Variants in PDZK1 observed in about 807,000 individuals in gnomAD.
PDZK1 encodes PDZ domain containing 1.
PDZK1 carries 23 observed loss-of-function variants against 38.1 expected under a neutral mutation model. That is an observed-to-expected ratio of 0.60 (90% confidence interval 0.43 to 0.85). The LOEUF (loss-of-function observed/expected upper bound fraction) is 0.85. Among genes scored for constraint, PDZK1 ranks in the 40% least tolerant of loss-of-function variants. PDZK1 has a pLI of 0.00. For synonymous variants in PDZK1, 98 were observed against 186.2 expected (o/e 0.53, Z 3.86); for missense variants, 297 against 504.3 (o/e 0.59, Z 3.94).
At chr1:145,686,752 C>G (rs782811204) in intron 2 of PDZK1, 26 bp from the exon 3 acceptor site, 2 of 1,264,616 alleles carry the variant, frequency 1.6e-6, no homozygotes, top group African/African-American at 3.0e-5. Flanking sequence ...AAAAAGGTAA[C>G]TTTAATAACC....
chr1:145,705,781 C>T (rs1553705637), intron 1 of PDZK1, among the ~76,000 whole-genome samples: 1 of 152,106 alleles, frequency 6.6e-6, no homozygotes, highest in African/African-American at 2.4e-5. Context: ...GACAGGATCT[C>T]AGTCTGTCAC....
chr1:145,682,766 C>A, intron 3 of PDZK1, 130 bp from the exon 4 acceptor site: 7 of 1,229,568 alleles, frequency 5.7e-6, no homozygotes, highest in Middle Eastern at 2.8e-4. Flanking sequence ...CATTTACTGT[C>A]CCTAGTCTAA....
At chr1:145,676,160 T>C (rs1281394857) in intron 6 of PDZK1, 2 of 984,778 alleles carry the variant, frequency 2.0e-6, no homozygotes, top group Admixed American at 6.1e-5. Context: ...GGGCTTACTT[T>C]GGAGAGCGGG....
intron 1 of PDZK1, among the ~76,000 whole-genome samples, chr1:145,696,051 C>T (rs587711745): frequency 6.6e-6 from 1 of 152,326 alleles, no homozygotes; most frequent in African/African-American, 2.4e-5. Flanking sequence ...TGATGGCTTA[C>T]TCCCCTGGCA....
intron 6 of PDZK1, chr1:145,674,241 A>G: frequency 1.0e-6 from 1 of 985,326 alleles, no homozygotes; most frequent in Non-Finnish European, 1.2e-6. Flanking sequence ...CCTGTTGGGA[A>G]ATGACATATC....
At chr1:145,672,150 CAAA>C (rs1473774538) in intron 8 of PDZK1, among the ~76,000 whole-genome samples, 2 of 151,996 alleles carry the variant, frequency 1.3e-5, no homozygotes, top group African/African-American at 4.8e-5. Context: ...AAATTTAATC[CAAA>C]TATATAGAGA....
At chr1:145,694,132 A>T (rs1655475780) in intron 1 of PDZK1, among the ~76,000 whole-genome samples, 1 of 151,932 alleles carries the variant, frequency 6.6e-6, no homozygotes. Context: ...GTTCTCATGG[A>T]CTCTTTATGC....
chr1:145,686,926 A>G (rs1420954790), intron 2 of PDZK1, among the ~76,000 whole-genome samples, 200 bp from the exon 3 acceptor site: 1 of 151,984 alleles, frequency 6.6e-6, no homozygotes, highest in Non-Finnish European at 1.5e-5. Context: ...AGCTTCTGGC[A>G]CTGCTGGAAT....
chr1:145,694,859 T>C (rs1193268764), intron 1 of PDZK1, among the ~76,000 whole-genome samples: 3 of 116,888 alleles, frequency 2.6e-5, no homozygotes, highest in Non-Finnish European at 4.8e-5. Flanking sequence ...ATCGCGCCAG[T>C]ACACTCCAGC....
chr1:145,688,002 G>A lies in PDZK1; in HGVS notation c.20C>T (p.Pro7Leu), dbSNP rs1553702318. The A allele has an allele frequency of 2.5e-6, 4 of 1,612,388 alleles. No individual in the cohort carries two copies. The highest frequency in any genetic ancestry group is 1.3e-5 in the African/African-American group (1 of 74,476). MTSTFNPRECKLSKQEG... is the reference protein window; with the variant it reads MTSTFNLRECKLSKQEG... ...TTGCTTGGACAGTTTACATTCTCGG[G>A]GGTTGAAGGTGGAGGTCATTTCTGT... Residue 7 changes from proline to leucine, a missense_variant, in exon 2 of 9, where the codon CCC (proline) becomes CTC (leucine). Pro to Leu is a moderately conservative substitution (Grantham distance 98). Coordinates refer to ENST00000417171, the MANE Select transcript of PDZK1 (RefSeq NM_001201325.2).
rs10657290 is a variant in PDZK1, at chr1:145,694,895, CAAAAAAAAAAAAAA to C, written c.-2-6886_-2-6873del. 5.0e-3 allele frequency among the ~76,000 whole-genome samples: 200 copies of C among 39,828 alleles called. 3 individuals are homozygous for C. Among genetic ancestry groups the C allele is most frequent in the African/African-American group, 0.014 (191 of 13,944 alleles). 26.1% of individuals were successfully genotyped at this position (39,828 alleles called of 152,430 possible). On this transcript the variant is annotated intron_variant, in intron 1 of 8. Transcript: ENST00000417171. The stretch of plus-strand genomic sequence containing the variant: ...CTGGGGACAGAGCAAGACTCTGTCT[CAAAAAAAAAAAAAA>C]AAAAAAAAAAAGGAAAGAAAGAAAG...
chr1:145,683,712 A>G (rs1202610689), intron 3 of PDZK1, among the ~76,000 whole-genome samples: 1 of 152,208 alleles, frequency 6.6e-6, no homozygotes, highest in African/African-American at 2.4e-5. Flanking sequence ...TACCTACAAT[A>G]GAGTTTAACT....
chr1:145,695,376 A>C (rs1241257620), intron 1 of PDZK1, among the ~76,000 whole-genome samples: 2 of 151,578 alleles, frequency 1.3e-5, no homozygotes, highest in East Asian at 2.0e-4. Flanking sequence ...GAGCCGAGAC[A>C]GTGCACTGAA....
intron 4 of PDZK1, among the ~76,000 whole-genome samples, chr1:145,682,055 A>ACACAC (rs1553700491): frequency 1.1e-5 from 1 of 93,976 alleles, no homozygotes; most frequent in East Asian, 3.4e-4. Context: ...CACACACATA[A>ACACAC]AAATTAGCCA....
At chr1:145,682,972 T>C (rs1258629560) in intron 3 of PDZK1, among the ~76,000 whole-genome samples, 1 of 152,168 alleles carries the variant, frequency 6.6e-6, no homozygotes, top group Non-Finnish European at 1.5e-5. Context: ...ATGCTTCTGT[T>C]CGTAAGTTCC....
At chr1:145,674,149 A>G (rs1285192741) in intron 6 of PDZK1, 2 of 984,532 alleles carry the variant, frequency 2.0e-6, no homozygotes, top group African/African-American at 3.5e-5. Context: ...AAGGATCCCA[A>G]AAGAAGTCTA....
chr1:145,698,797 T>C (rs1178432834), intron 1 of PDZK1, among the ~76,000 whole-genome samples: 2 of 151,886 alleles, frequency 1.3e-5, no homozygotes, highest in African/African-American at 2.4e-5. Flanking sequence ...CCAGGTGTGG[T>C]GGCAGGCACC....
rs1408664392 is a variant in PDZK1 at position 145,682,070 on chromosome 1, C to T, written c.597+430G>A. On this transcript the variant is annotated intron_variant, in intron 4 of 8. Transcript: ENST00000417171. The stretch of plus-strand genomic sequence containing the variant: ...CACACACATAAAAATTAGCCAGGTG[C>T]GGTGGTGCACACCTGTAGTCCCAGC... Among the ~76,000 whole-genome samples, 9 of 113,050 alleles carry T rather than the reference C, an allele frequency of 8.0e-5. No individual in the cohort carries two copies. In the South Asian group the frequency reaches 9.5e-4, roughly 12 times the overall value. 74.2% of individuals were successfully genotyped at this position (113,050 alleles called of 152,430 possible).
chr1:145,698,601 CT>C (rs1655769448), intron 1 of PDZK1, among the ~76,000 whole-genome samples: 1 of 152,226 alleles, frequency 6.6e-6, no homozygotes, highest in African/African-American at 2.4e-5. Flanking sequence ...AAAGTGGTAA[CT>C]TTTACCCTAA....
Sources: allele counts gnomAD v4.1 joint callset (sites outside exome capture counted in the v4.1 genomes callset), GRCh38; gene constraint gnomAD v4.1.1; transcripts MANE v1.5; gene names NCBI Gene and HGNC (gene_info 2026-07-23, HGNC 2026-07-21).